Variants in ZC3H12B observed in about 807,000 individuals in gnomAD.
The protein encoded by ZC3H12B is probable ribonuclease ZC3H12B.
In ZC3H12B, 7 loss-of-function variants were observed where a neutral mutation model predicts 43.9. The observed-to-expected ratio is 0.16, with a 90% confidence interval of 0.09 to 0.30. ZC3H12B has a LOEUF of 0.30. Ranked by LOEUF, ZC3H12B falls within the 10% of genes least tolerant of loss-of-function variation. The pLI is 1.00. For missense variants in ZC3H12B, 475 were observed against 670.2 expected, an observed-to-expected ratio of 0.71 and a Z score of 3.22; for synonymous variants, 222 against 241.7, an observed-to-expected ratio of 0.92 and a Z score of 0.76.
intron 2 of ZC3H12B, among the ~76,000 whole-genome samples, chrX:65,370,934 C>T (rs184001499): frequency 1.1e-4 from 12 of 111,576 alleles, no homozygotes; most frequent in Non-Finnish European, 3.8e-5. Flanking sequence ...GAGTTCCAAT[C>T]CTGATTTTAC....
chrX:65,202,715 T>C, the ZC3H12B span, among the ~76,000 whole-genome samples: 1 of 110,928 alleles, frequency 9.0e-6, no homozygotes, highest in African/African-American at 3.3e-5. Flanking sequence ...CAGCATTGGA[T>C]CTTACCTAAG....
At chrX:65,058,696 G>C in the ZC3H12B span, among the ~76,000 whole-genome samples, 1 of 112,067 alleles carries the variant, frequency 8.9e-6, no homozygotes, top group Non-Finnish European at 1.9e-5. Flanking sequence ...GAGTCAGGCA[G>C]ACCTCCTTCA....
At chrX:65,109,674 T>C in the ZC3H12B span, among the ~76,000 whole-genome samples, 1 of 112,066 alleles carries the variant, frequency 8.9e-6, no homozygotes, top group Admixed American at 9.5e-5. Context: ...ACAAGTCTTT[T>C]TGGTGACACA....
the ZC3H12B span, among the ~76,000 whole-genome samples, chrX:65,056,758 A>T: frequency 9.0e-6 from 1 of 111,518 alleles, no homozygotes; most frequent in Non-Finnish European, 1.9e-5. Flanking sequence ...GACTTGCTTT[A>T]TGAATCTGGG....
chrX:65,263,797 A>C, the ZC3H12B span, among the ~76,000 whole-genome samples: 1 of 111,262 alleles, frequency 9.0e-6, no homozygotes, highest in Non-Finnish European at 1.9e-5. Flanking sequence ...TCAATCCAGA[A>C]ATCTTACTAC....
At chrX:65,203,185 C>A in the ZC3H12B span, among the ~76,000 whole-genome samples, 1 of 112,134 alleles carries the variant, frequency 8.9e-6, no homozygotes, top group East Asian at 2.8e-4. Context: ...ATACAGGAGC[C>A]AAGGCTTAAA....
chrX:65,069,964 A>G, the ZC3H12B span, among the ~76,000 whole-genome samples: 1 of 110,446 alleles, frequency 9.1e-6, no homozygotes, highest in Non-Finnish European at 1.9e-5. Context: ...CCTCATATAA[A>G]TAGTTGGGGA....
chrX:65,389,159 A>T (rs1224870025), intron 2 of ZC3H12B, among the ~76,000 whole-genome samples: 1 of 111,733 alleles, frequency 8.9e-6, no homozygotes, highest in African/African-American at 3.3e-5. Context: ...ATTCTCTTCA[A>T]AGCTGTCAGA....
At chrX:65,216,862 T>C in the ZC3H12B span, among the ~76,000 whole-genome samples, 1 of 112,118 alleles carries the variant, frequency 8.9e-6, no homozygotes, top group African/African-American at 3.2e-5. Flanking sequence ...CATAAGAGAA[T>C]ATGTTGCCTT....
At chrX:65,328,818 G>A in the ZC3H12B span, among the ~76,000 whole-genome samples, 1 of 104,911 alleles carries the variant, frequency 9.5e-6, no homozygotes, top group African/African-American at 3.5e-5. Context: ...TTGTCCTTGC[G>A]ATAGTTTGCT....
At chrX:65,363,705 G>A (rs924921104), upstream of ZC3H12B, among the ~76,000 whole-genome samples, 1 of 111,711 alleles carries the variant, frequency 9.0e-6, no homozygotes, top group Non-Finnish European at 1.9e-5. Context: ...TAGCCTTTTT[G>A]TCCAAACAAC....
chrX:65,075,942 C>T, the ZC3H12B span, among the ~76,000 whole-genome samples: 2 of 111,441 alleles, frequency 1.8e-5, no homozygotes, highest in Non-Finnish European at 3.8e-5. Flanking sequence ...CTACCAGCTT[C>T]AGTGTGGCTG....
At chrX:65,216,017 C>A in the ZC3H12B span, among the ~76,000 whole-genome samples, 1 of 111,347 alleles carries the variant, frequency 9.0e-6, no homozygotes, top group Non-Finnish European at 1.9e-5. Flanking sequence ...TTGTAGCACC[C>A]ATATAATTGT....
chrX:65,217,401 A>T, the ZC3H12B span, among the ~76,000 whole-genome samples: 2 of 111,734 alleles, frequency 1.8e-5, no homozygotes, highest in South Asian at 7.5e-4. Flanking sequence ...TTGCCCAGAC[A>T]TCTATGTACA....
At chrX:65,481,542 C>T (rs928429909) in intron 3 of ZC3H12B, among the ~76,000 whole-genome samples, 1 of 111,434 alleles carries the variant, frequency 9.0e-6, no homozygotes, top group African/African-American at 3.3e-5. Flanking sequence ...TCTTACCATT[C>T]CTGCAGGGAG....
the ZC3H12B span, among the ~76,000 whole-genome samples, chrX:65,058,100 G>A: frequency 5.3e-5 from 6 of 112,386 alleles, no homozygotes; most frequent in Non-Finnish European, 1.1e-4. Flanking sequence ...GGCATTCTCT[G>A]TCCAGTTTTT....
At chrX:65,171,046 C>T in the ZC3H12B span, among the ~76,000 whole-genome samples, 1 of 112,020 alleles carries the variant, frequency 8.9e-6, no homozygotes, top group African/African-American at 3.2e-5. Flanking sequence ...CTCAACTTGT[C>T]AGAGTCATTC....
chrX:65,430,450 C>T (rs1277576840), intron 3 of ZC3H12B, among the ~76,000 whole-genome samples: 9 of 104,302 alleles, frequency 8.6e-5, no homozygotes, highest in African/African-American at 2.5e-4. Context: ...CCCGTTAACT[C>T]GTCATTTACA....
the ZC3H12B span, among the ~76,000 whole-genome samples, chrX:65,070,828 T>A: frequency 1.0e-4 from 11 of 105,563 alleles, no homozygotes; most frequent in Non-Finnish European, 2.0e-4. Flanking sequence ...TTTTTTTTTT[T>A]TTTTTTTTTT....
Sources: allele counts gnomAD v4.1 joint callset (sites outside exome capture counted in the v4.1 genomes callset), GRCh38; gene constraint gnomAD v4.1.1; transcripts MANE v1.5; gene names NCBI Gene and HGNC (gene_info 2026-07-23, HGNC 2026-07-21).